MAF: variants seen among roughly 807,000 people sequenced by gnomAD.
MAF encodes MAF bZIP transcription factor.
A neutral mutation model predicts 22.0 loss-of-function variants in MAF; 10 were observed. The observed-to-expected ratio is 0.45, with a 90% CI of 0.28 to 0.77. The LOEUF is 0.77. MAF is among the 30% of genes least tolerant of loss of function. The probability of loss-of-function intolerance (pLI) is 0.12; values close to 1 mark genes in which losing one functional copy is unlikely to be tolerated. For synonymous variants in MAF, 337 were observed against 255.8 expected, an observed-to-expected ratio of 1.32 and a Z score of -3.03; for missense variants, 544 against 548.4, an observed-to-expected ratio of 0.99 and a Z score of 0.08.
chr16:79,515,638 T>C, the MAF span, among the ~76,000 whole-genome samples: 38 of 152,210 alleles, frequency 2.5e-4, no homozygotes, highest in African/African-American at 7.7e-4. Flanking sequence ...CCATCTTAAG[T>C]TGAGAAGCGT....
the MAF span, among the ~76,000 whole-genome samples, chr16:79,360,431 C>G: frequency 6.6e-6 from 1 of 152,170 alleles, no homozygotes; most frequent in Admixed American, 6.5e-5. Flanking sequence ...CCCAGCTCTA[C>G]CACTCATGAG....
the MAF span, among the ~76,000 whole-genome samples, chr16:79,575,022 AT>A: frequency 0.011 from 1,536 of 143,570 alleles, 15 homozygotes; most frequent in Middle Eastern, 0.015. Flanking sequence ...ATCACTGGGA[AT>A]TTTTTTTTTT....
At chr16:79,483,708 T>C in the MAF span, among the ~76,000 whole-genome samples, 2,956 of 152,156 alleles carry the variant, frequency 0.019, 105 homozygotes, top group African/African-American at 0.067. Context: ...ATCATGTAGC[T>C]CACAGGGCTG....
the MAF span, among the ~76,000 whole-genome samples, chr16:79,280,811 T>C: frequency 2.0e-5 from 3 of 152,172 alleles, no homozygotes; most frequent in Non-Finnish European, 4.4e-5. Context: ...CCCATTGTAC[T>C]CCTCAGGAAC....
At chr16:79,540,882 T>A in the MAF span, among the ~76,000 whole-genome samples, 1 of 152,164 alleles carries the variant, frequency 6.6e-6, no homozygotes. Context: ...CTAGGTTAAT[T>A]ATTACTCTTT....
At chr16:79,561,755 T>C in the MAF span, among the ~76,000 whole-genome samples, 1 of 152,104 alleles carries the variant, frequency 6.6e-6, no homozygotes, top group Non-Finnish European at 1.5e-5. Context: ...AGAAGAATTA[T>C]CCACACACTT....
the MAF span, among the ~76,000 whole-genome samples, chr16:79,236,829 C>T: frequency 6.6e-6 from 1 of 151,850 alleles, no homozygotes; most frequent in Admixed American, 6.6e-5. Context: ...TGACTCCAGG[C>T]CCTCCAGGGA....
chr16:79,385,005 T>A, the MAF span, among the ~76,000 whole-genome samples: 1 of 152,148 alleles, frequency 6.6e-6, no homozygotes, highest in African/African-American at 2.4e-5. Context: ...GGAACACACC[T>A]TGGAGACAGG....
the MAF span, among the ~76,000 whole-genome samples, chr16:79,545,123 A>T: frequency 6.6e-6 from 1 of 152,210 alleles, no homozygotes; most frequent in Non-Finnish European, 1.5e-5. Context: ...AATATTAAAT[A>T]GATGATCTCA....
At chr16:79,485,738 G>C in the MAF span, among the ~76,000 whole-genome samples, 2 of 152,160 alleles carry the variant, frequency 1.3e-5, no homozygotes, top group African/African-American at 4.8e-5. Context: ...GGTTCCTCCT[G>C]AATCTTCCTT....
chr16:79,541,662 G>GTTTTTTTTTTTT, the MAF span, among the ~76,000 whole-genome samples: 1 of 123,882 alleles, frequency 8.1e-6, no homozygotes, highest in Non-Finnish European at 1.7e-5. Flanking sequence ...GGTTTTTTTA[G>GTTTTTTTTTTTT]TTTTTTTTTT....
the MAF span, among the ~76,000 whole-genome samples, chr16:79,396,261 G>A: frequency 1.3e-5 from 2 of 152,142 alleles, no homozygotes; most frequent in Non-Finnish European, 2.9e-5. Flanking sequence ...ACCTACCCCA[G>A]TTCCACATGG....
chr16:79,571,290 C>T, the MAF span, among the ~76,000 whole-genome samples: 4 of 152,062 alleles, frequency 2.6e-5, no homozygotes, highest in Admixed American at 2.0e-4. Flanking sequence ...CCCTCAGTGG[C>T]TTCCAACTTC....
At chr16:79,576,944 A>C in the MAF span, among the ~76,000 whole-genome samples, 1 of 152,214 alleles carries the variant, frequency 6.6e-6, no homozygotes, top group African/African-American at 2.4e-5. Flanking sequence ...GACTTTTATT[A>C]GAGTGATTTA....
chr16:79,544,540 C>G, the MAF span, among the ~76,000 whole-genome samples: 3 of 151,916 alleles, frequency 2.0e-5, no homozygotes, highest in African/African-American at 7.3e-5. Flanking sequence ...TTTGAGAGAC[C>G]GAGTTGGGTG....
the MAF span, chr16:79,212,048 G>C: frequency 1.7e-4 from 258 of 1,536,242 alleles, no homozygotes; most frequent in Admixed American, 2.2e-4. Context: ...CTGTTTGAAA[G>C]TAAAAACCTG....
the MAF span, among the ~76,000 whole-genome samples, chr16:79,445,138 A>G: frequency 2.6e-5 from 4 of 151,828 alleles, no homozygotes; most frequent in African/African-American, 7.3e-5. Context: ...GGTTCACGCC[A>G]TTCTCCTGCC....
rs1202221700 is a variant in MAF, at chr16:79,599,836, T to C, written c.67A>G (p.Asn23Asp). The C allele has an allele frequency of 6.2e-7, 1 of 1,611,676 alleles. No homozygotes were observed. Among genetic ancestry groups the C allele is most frequent in the Non-Finnish European group, 8.5e-7 (1 of 1,179,882 alleles). ...TCAAACTTCATCAGATCGAAGTCAT[T>C]AACATATTCCATGGCCAGGGGACTG... ...PTSPLAMEYV[N>D]DFDLMKFEVK... The change falls in exon 1 of 2, where the codon AAT becomes GAT. Residue 23 changes from asparagine (N) to aspartate (D), a missense_variant. Asn to Asp is a conservative substitution (Grantham distance 23, BLOSUM62 1). Coordinates refer to ENST00000326043, the MANE Select transcript of MAF (RefSeq NM_005360.5).
At chr16:79,523,961 C>T in the MAF span, among the ~76,000 whole-genome samples, 3 of 152,138 alleles carry the variant, frequency 2.0e-5, no homozygotes, top group South Asian at 4.1e-4. Context: ...ATATAGTTGT[C>T]ATGATCCTGT....
Sources: gnomAD v4.1 joint callset for allele counts (sites outside exome capture counted in the v4.1 genomes callset) on GRCh38, gnomAD v4.1.1 for gene constraint, MANE v1.5 for transcripts, NCBI Gene and HGNC (gene_info 2026-07-23, HGNC 2026-07-21) for gene names.